Variants in ASTN2 observed in about 807,000 individuals in gnomAD.
The protein encoded by ASTN2 is astrotactin-2.
In ASTN2, 54 loss-of-function variants were observed where a neutral mutation model predicts 139.8. The observed-to-expected ratio is 0.39, with a 90% confidence interval of 0.31 to 0.48. ASTN2 has a LOEUF of 0.48. Among genes scored for constraint, ASTN2 ranks in the 20% least tolerant of loss-of-function variants. The probability of loss-of-function intolerance (pLI) is 0.95; values close to 1 mark genes in which losing one functional copy is unlikely to be tolerated. For missense variants in ASTN2, 1,565 were observed against 1,725.1 expected (o/e 0.91, Z 1.64); for synonymous variants, 756 against 719.5 (o/e 1.05, Z -0.81).
At chr9:117,311,540 G>A (rs961988963) in intron 1 of ASTN2, among the ~76,000 whole-genome samples, 20 of 152,122 alleles carry the variant, frequency 1.3e-4, no homozygotes, top group Non-Finnish European at 1.8e-4. Context: ...CTCATCTATC[G>A]AACCCTTTGT....
chr9:116,655,352 G>A (rs1287971730), intron 16 of ASTN2, among the ~76,000 whole-genome samples: 2 of 152,120 alleles, frequency 1.3e-5, no homozygotes, highest in Admixed American at 1.3e-4. Context: ...TTCTTCTCCT[G>A]CTTAAAACAC....
At chr9:116,937,770 C>A (rs944975054) in intron 10 of ASTN2, among the ~76,000 whole-genome samples, 2 of 152,124 alleles carry the variant, frequency 1.3e-5, no homozygotes, top group Non-Finnish European at 2.9e-5. Context: ...TGGTATTATA[C>A]ATAATTAATT....
intron 19 of ASTN2, among the ~76,000 whole-genome samples, chr9:116,570,836 G>C (rs1395585802): frequency 1.3e-5 from 2 of 152,186 alleles, no homozygotes; most frequent in African/African-American, 4.8e-5. Flanking sequence ...TACATAATAA[G>C]CAACCTTTGC....
chr9:117,317,664 A>G (rs994134786), intron 1 of ASTN2, among the ~76,000 whole-genome samples: 1 of 152,200 alleles, frequency 6.6e-6, no homozygotes, highest in Non-Finnish European at 1.5e-5. Flanking sequence ...AGATGCTTTA[A>G]GTGCCCCTGG....
intron 10 of ASTN2, among the ~76,000 whole-genome samples, chr9:116,920,694 C>A (rs145431040): frequency 6.6e-6 from 1 of 152,166 alleles, no homozygotes; most frequent in African/African-American, 2.4e-5. Context: ...TTTTCTAGAA[C>A]AATACCAGGA....
intron 3 of ASTN2, among the ~76,000 whole-genome samples, chr9:117,155,904 C>A (rs1830422693): frequency 6.6e-6 from 1 of 151,946 alleles, no homozygotes; most frequent in African/African-American, 2.4e-5. Context: ...AGTCTAGAAC[C>A]AAGAAGAGCA....
chr9:117,172,626 G>A (rs1830820933), intron 3 of ASTN2, among the ~76,000 whole-genome samples: 1 of 152,132 alleles, frequency 6.6e-6, no homozygotes, highest in Admixed American at 6.6e-5. Context: ...GCTCAGAGAG[G>A]TGGATGTGAT....
At chr9:116,710,308 GGT>G (rs536053169) in intron 16 of ASTN2, among the ~76,000 whole-genome samples, 1 of 151,886 alleles carries the variant, frequency 6.6e-6, no homozygotes, top group Non-Finnish European at 1.5e-5. Flanking sequence ...ATATCTTCTT[GGT>G]GTGTGTGTGT....
At chr9:116,990,058 A>T (rs2132549629) in intron 7 of ASTN2, among the ~76,000 whole-genome samples, 1 of 152,258 alleles carries the variant, frequency 6.6e-6, no homozygotes, top group Middle Eastern at 3.4e-3. Context: ...AGTAAAAATA[A>T]CTTGAGTTTA....
chr9:116,660,137 G>A (rs374499491), intron 16 of ASTN2, among the ~76,000 whole-genome samples: 1 of 149,086 alleles, frequency 6.7e-6, no homozygotes, highest in African/African-American at 2.5e-5. Context: ...TGTGTATGTT[G>A]TGATGTATGT....
At chr9:117,261,446 C>T (rs1335413) in intron 2 of ASTN2, among the ~76,000 whole-genome samples, 149,452 of 152,300 alleles carry the variant, frequency 0.98, 73,400 homozygotes, top group Middle Eastern at 1. Context: ...GCACTTGGAA[C>T]GTCTGATTCC....
chr9:116,487,460 C>G lies in ASTN2; in HGVS notation c.3396G>C (p.Leu1132=). Residue 1132 remains leucine, a synonymous_variant, in exon 20 of 23, where the codon CTG becomes CTC. Coordinates refer to ENST00000313400, the MANE Select transcript of ASTN2 (RefSeq NM_001365068.1). ...LSFADDLLSG[L]GTSCVAAGRS... is the part of the protein sequence containing the mutation. ...GACCAGCTGCTACACAAGATGTGCC[C>G]AGGCCAGAGAGTAAGTCATCAGCAA... 1.2e-6 allele frequency: 2 copies of G among 1,614,020 alleles called. No homozygotes were observed. Among genetic ancestry groups the G allele is most frequent in the East Asian group, 4.5e-5 (2 of 44,854 alleles).
intron 19 of ASTN2, among the ~76,000 whole-genome samples, chr9:116,572,646 C>G (rs778710975): frequency 3.3e-5 from 5 of 152,214 alleles, no homozygotes; most frequent in African/African-American, 4.8e-5. Flanking sequence ...TGTGCTAGCC[C>G]TCACTGGTGA....
rs569926964 is a variant in ASTN2 at position 116,572,392 on chromosome 9, C to G, written c.3355+45932G>C. On this transcript the variant is annotated intron_variant, in intron 19 of 22. Transcript: ENST00000313400. ...ATGAACACCACTGGAAACAGACTTC[C>G]TCTTTCCCTTGCTGCTCACCCCTGA... is the stretch of plus-strand genomic sequence containing the variant. 3.9e-5 allele frequency among the ~76,000 whole-genome samples: 6 copies of G among 152,216 alleles called. No homozygotes were observed. The South Asian group carries it at 1.2e-3, about 31-fold the overall frequency.
At chr9:117,085,276 TCTTA>T (rs992789223) in intron 5 of ASTN2, among the ~76,000 whole-genome samples, 4 of 152,224 alleles carry the variant, frequency 2.6e-5, no homozygotes, top group African/African-American at 9.7e-5. Flanking sequence ...GTGGCTAAGT[TCTTA>T]CTTCTTACTG....
intron 19 of ASTN2, among the ~76,000 whole-genome samples, chr9:116,606,427 G>A (rs1855209229): frequency 6.6e-6 from 1 of 152,168 alleles, no homozygotes; most frequent in Non-Finnish European, 1.5e-5. Context: ...GTGTTCATGT[G>A]TGCACATGGG....
intron 1 of ASTN2, among the ~76,000 whole-genome samples, chr9:117,341,192 A>G (rs967461508): frequency 6.6e-6 from 1 of 152,246 alleles, no homozygotes. Context: ...GAGGACAGAA[A>G]GAAAGAAGGA....
At chr9:117,253,124 A>G (rs573296463) in intron 2 of ASTN2, among the ~76,000 whole-genome samples, 1 of 152,308 alleles carries the variant, frequency 6.6e-6, no homozygotes, top group Admixed American at 6.5e-5. Flanking sequence ...GCAAGGTCAG[A>G]GCCCCTGGTC....
chr9:116,733,731 C>A (rs1325349405), intron 13 of ASTN2, among the ~76,000 whole-genome samples: 4 of 152,104 alleles, frequency 2.6e-5, no homozygotes, highest in African/African-American at 9.7e-5. Context: ...CAAATTTAGC[C>A]CCACTGCTTA....
Sources: allele counts gnomAD v4.1 joint callset (sites outside exome capture counted in the v4.1 genomes callset), GRCh38; gene constraint gnomAD v4.1.1; transcripts MANE v1.5; gene names NCBI Gene and HGNC (gene_info 2026-07-23, HGNC 2026-07-21).